The following PARD3 variants were observed in gnomAD, a reference collection of about 807,000 sequenced individuals.
PARD3 encodes par-3 family cell polarity regulator.
PARD3 carries 75 observed loss-of-function variants against 155.4 expected under a neutral mutation model. The observed-to-expected ratio is 0.48, with a 90% CI of 0.40 to 0.58. PARD3 has a LOEUF of 0.58. Among genes scored for constraint, PARD3 ranks in the 20% least tolerant of loss-of-function variants. The pLI, the probability that PARD3 is intolerant of heterozygous loss-of-function variation, is 0.00. For missense variants in PARD3, 1,642 were observed against 1,721.7 expected (o/e 0.95, Z 0.82); for synonymous variants, 576 against 610.5 (o/e 0.94, Z 0.83).
chr10:34,733,951 T>TC (rs2094864635), intron 1 of PARD3, among the ~76,000 whole-genome samples: 1 of 151,398 alleles, frequency 6.6e-6, no homozygotes, highest in African/African-American at 2.4e-5. Flanking sequence ...CAAAGCTGTT[T>TC]TTTTTTTTTT....
At chr10:34,386,985 T>C (rs1842414707) in intron 7 of PARD3, among the ~76,000 whole-genome samples, 1 of 152,148 alleles carries the variant, frequency 6.6e-6, no homozygotes, top group Non-Finnish European at 1.5e-5. Flanking sequence ...GATGTCTCAG[T>C]CACCCACAGG....
intron 1 of PARD3, among the ~76,000 whole-genome samples, chr10:34,797,057 G>A (rs1169286826): frequency 6.6e-6 from 1 of 152,238 alleles, no homozygotes; most frequent in South Asian, 2.1e-4. Context: ...TTAGGTTCAT[G>A]AGGCAGCACA....
chr10:34,561,221 A>G (rs187060704), intron 2 of PARD3, among the ~76,000 whole-genome samples: 1 of 152,318 alleles, frequency 6.6e-6, no homozygotes, highest in Admixed American at 6.5e-5. Flanking sequence ...TTTGGCCACC[A>G]TCCCCGAACC....
At chr10:34,144,971 AG>A (rs1948384818) in intron 22 of PARD3, among the ~76,000 whole-genome samples, 1 of 151,944 alleles carries the variant, frequency 6.6e-6, no homozygotes, top group African/African-American at 2.4e-5. Context: ...GCTGCCTAAA[AG>A]GGTATTAGAA....
At chr10:34,677,384 G>A (rs2093728803) in intron 2 of PARD3, among the ~76,000 whole-genome samples, 1 of 151,790 alleles carries the variant, frequency 6.6e-6, no homozygotes, top group Admixed American at 6.6e-5. Context: ...AGAGGCTGAG[G>A]TGGGAGGACT....
intron 1 of PARD3, among the ~76,000 whole-genome samples, chr10:34,761,917 A>G (rs1029604152): frequency 1.1e-4 from 17 of 152,298 alleles, no homozygotes; most frequent in Non-Finnish European, 2.4e-4. Context: ...ACACACATAT[A>G]AACATAACAT....
At chr10:34,715,074 AC>A (rs1468859355) in intron 1 of PARD3, among the ~76,000 whole-genome samples, 1 of 129,612 alleles carries the variant, frequency 7.7e-6, no homozygotes, top group African/African-American at 2.9e-5. Flanking sequence ...ACCTAGCCTA[AC>A]CTTTTTTTTT....
intron 3 of PARD3, among the ~76,000 whole-genome samples, chr10:34,511,349 T>C (rs944122497): frequency 1.3e-5 from 2 of 152,224 alleles, no homozygotes; most frequent in African/African-American, 4.8e-5. Flanking sequence ...TTTTTAATGG[T>C]GACTGTCTTA....
At chr10:34,403,792 A>C (rs1395027561) in intron 5 of PARD3, among the ~76,000 whole-genome samples, 1 of 152,144 alleles carries the variant, frequency 6.6e-6, no homozygotes, top group East Asian at 1.9e-4. Context: ...GTAAACACGA[A>C]CTCCCAAAAT....
At chr10:34,193,999 G>A (rs1489411188) in intron 22 of PARD3, among the ~76,000 whole-genome samples, 2 of 152,172 alleles carry the variant, frequency 1.3e-5, no homozygotes, top group Non-Finnish European at 2.9e-5. Flanking sequence ...GACTGCAGAA[G>A]AAGCAAAATG....
chr10:34,172,946 C>A (rs572434723), intron 22 of PARD3, among the ~76,000 whole-genome samples: 3 of 152,254 alleles, frequency 2.0e-5, no homozygotes, highest in African/African-American at 4.8e-5. Context: ...TTCATCACTA[C>A]CTGCTCTGCT....
At chr10:34,336,062 T>G in intron 18 of PARD3, 137 bp downstream of exon 18, 1 of 607,020 alleles carries the variant, frequency 1.6e-6, no homozygotes, top group Non-Finnish European at 2.9e-6. Context: ...CTTATGTAAT[T>G]CAATTTCTCA....
At chr10:34,735,709 T>C (rs912393272) in intron 1 of PARD3, among the ~76,000 whole-genome samples, 1 of 152,158 alleles carries the variant, frequency 6.6e-6, no homozygotes, top group Non-Finnish European at 1.5e-5. Flanking sequence ...CTTTGCAGTA[T>C]AAAAGGAAAA....
chr10:34,553,164 T>C (rs2084725017), intron 2 of PARD3, among the ~76,000 whole-genome samples: 1 of 152,114 alleles, frequency 6.6e-6, no homozygotes, highest in African/African-American at 2.4e-5. Context: ...GTCTCCTCCA[T>C]GGTCAGCAGC....
intron 2 of PARD3, among the ~76,000 whole-genome samples, chr10:34,570,355 T>A (rs2134146700): frequency 6.6e-6 from 1 of 152,272 alleles, no homozygotes; most frequent in Non-Finnish European, 1.5e-5. Context: ...AATTATTGAG[T>A]TCCAAATTGT....
chr10:34,330,040 A>C (rs1270959377), intron 19 of PARD3, among the ~76,000 whole-genome samples: 1 of 151,618 alleles, frequency 6.6e-6, no homozygotes, highest in Non-Finnish European at 1.5e-5. Flanking sequence ...GTTGAATTGC[A>C]AGTAATTTAC....
chr10:34,277,488 T>G (rs1955944855), intron 21 of PARD3, among the ~76,000 whole-genome samples: 1 of 152,138 alleles, frequency 6.6e-6, no homozygotes, highest in South Asian at 2.1e-4. Context: ...CAATTTTAAG[T>G]GGGATTTTAA....
At chr10:34,761,267 C>G (rs542915564) in intron 1 of PARD3, among the ~76,000 whole-genome samples, 34 of 152,066 alleles carry the variant, frequency 2.2e-4, no homozygotes, top group Admixed American at 2.1e-3. Context: ...AAAAATTAGC[C>G]AGGTGTGGTT....
chr10:34,485,060 G>A (rs924999298), intron 3 of PARD3, among the ~76,000 whole-genome samples: 9 of 152,170 alleles, frequency 5.9e-5, no homozygotes, highest in African/African-American at 1.7e-4. Flanking sequence ...AGTTTAGGCC[G>A]GGCACAGTGG....
Sources: allele counts gnomAD v4.1 joint callset (sites outside exome capture counted in the v4.1 genomes callset), GRCh38; gene constraint gnomAD v4.1.1; transcripts MANE v1.5; gene names NCBI Gene and HGNC (gene_info 2026-07-23, HGNC 2026-07-21).